Variants in L3MBTL4 observed in about 807,000 individuals in gnomAD.
L3MBTL4 encodes lethal(3)malignant brain tumor-like protein 4.
In L3MBTL4, 70 loss-of-function variants were observed where a neutral mutation model predicts 84.5. That is an observed-to-expected ratio of 0.83 (90% CI 0.68 to 1.01). The LOEUF (loss-of-function observed/expected upper bound fraction) is 1.01. L3MBTL4 is among the 50% of genes least tolerant of loss of function. The pLI, the probability that L3MBTL4 is intolerant of heterozygous loss-of-function variation, is 0.00. For missense variants in L3MBTL4, 715 were observed against 754.8 expected, an observed-to-expected ratio of 0.95 and a Z score of 0.62; for synonymous variants, 274 against 259.8, an observed-to-expected ratio of 1.05 and a Z score of -0.52.
At chr18:6,354,735 A>G (rs1261796498) in intron 1 of L3MBTL4, among the ~76,000 whole-genome samples, 1 of 149,008 alleles carries the variant, frequency 6.7e-6, no homozygotes, top group Non-Finnish European at 1.5e-5. Flanking sequence ...ATGAGATATC[A>G]TCTCATCTAA....
At chr18:6,400,614 A>G (rs341235) in intron 1 of L3MBTL4, among the ~76,000 whole-genome samples, 36,953 of 151,940 alleles carry the variant, frequency 0.24, 4,563 homozygotes, top group Non-Finnish European at 0.26. Context: ...ATTTCAACAT[A>G]TTTCCCAGGC....
At chr18:5,983,533 A>C (rs926407593) in intron 16 of L3MBTL4, among the ~76,000 whole-genome samples, 1 of 152,150 alleles carries the variant, frequency 6.6e-6, no homozygotes, top group African/African-American at 2.4e-5. Context: ...GGAATAGAAC[A>C]ACTTTCCTGA....
chr18:6,161,837 G>A (rs1466438866), intron 13 of L3MBTL4, among the ~76,000 whole-genome samples: 1 of 151,978 alleles, frequency 6.6e-6, no homozygotes, highest in Non-Finnish European at 1.5e-5. Flanking sequence ...GGGCAGCTGT[G>A]TGATTTTATT....
chr18:6,029,842 A>T, intron 16 of L3MBTL4: 1 of 985,398 alleles, frequency 1.0e-6, no homozygotes, highest in African/African-American at 1.7e-5. Context: ...AAATGCCGAA[A>T]AGGATTAGAA....
At chr18:6,105,624 C>T (rs1474942162) in intron 14 of L3MBTL4, among the ~76,000 whole-genome samples, 1 of 151,608 alleles carries the variant, frequency 6.6e-6, no homozygotes, top group African/African-American at 2.4e-5. Flanking sequence ...CATGATGAAA[C>T]CCCGTCTCTA....
chr18:6,220,070 G>A (rs1481552425), intron 10 of L3MBTL4, among the ~76,000 whole-genome samples: 1 of 152,120 alleles, frequency 6.6e-6, no homozygotes, highest in African/African-American at 2.4e-5. Context: ...AAAATAAAAA[G>A]AAGAAACTGA....
intron 16 of L3MBTL4, among the ~76,000 whole-genome samples, chr18:6,035,263 A>G (rs1157082317): frequency 1.3e-5 from 2 of 152,086 alleles, no homozygotes; most frequent in South Asian, 2.1e-4. Flanking sequence ...GTTTTCTTCT[A>G]GGGTTTTTAT....
At chr18:6,359,580 A>G (rs2053592359) in intron 1 of L3MBTL4, among the ~76,000 whole-genome samples, 1 of 151,898 alleles carries the variant, frequency 6.6e-6, no homozygotes, top group South Asian at 2.1e-4. Context: ...TGAAACTATG[A>G]CATATCTAAA....
intron 1 of L3MBTL4, among the ~76,000 whole-genome samples, chr18:6,344,203 TAAG>T (rs1322829140): frequency 6.6e-6 from 1 of 151,830 alleles, no homozygotes; most frequent in Non-Finnish European, 1.5e-5. Context: ...ATAAATGAAA[TAAG>T]AGACATTACA....
chr18:6,042,256 C>A (rs2056435323), intron 16 of L3MBTL4, among the ~76,000 whole-genome samples: 1 of 152,120 alleles, frequency 6.6e-6, no homozygotes, highest in Admixed American at 6.5e-5. Flanking sequence ...ACCTCAATGA[C>A]CCTTCTGTCT....
intron 1 of L3MBTL4, among the ~76,000 whole-genome samples, chr18:6,380,030 C>T (rs1452293331): frequency 6.6e-6 from 1 of 152,110 alleles, no homozygotes; most frequent in Non-Finnish European, 1.5e-5. Flanking sequence ...TCGACTTCTT[C>T]CTGGTTTAGT....
chr18:5,985,146 G>A, intron 16 of L3MBTL4, among the ~76,000 whole-genome samples: 1 of 152,106 alleles, frequency 6.6e-6, no homozygotes, highest in East Asian at 1.9e-4. Context: ...GAGAGTGCTA[G>A]CAAACTAGTG....
chr18:6,353,196 A>ATCAACAGTGCGT (rs2053279225), intron 1 of L3MBTL4, among the ~76,000 whole-genome samples: 1 of 152,066 alleles, frequency 6.6e-6, no homozygotes, highest in Admixed American at 6.6e-5. Context: ...CACTCACAGT[A>ATCAACAGTGCGT]TGATACAAAT....
intron 1 of L3MBTL4, among the ~76,000 whole-genome samples, chr18:6,412,393 C>T (rs1372608828): frequency 6.6e-6 from 1 of 152,168 alleles, no homozygotes; most frequent in African/African-American, 2.4e-5. Flanking sequence ...GAACACTTAT[C>T]TAATGGCGAT....
chr18:6,343,089 T>C (rs1024544894), intron 1 of L3MBTL4, among the ~76,000 whole-genome samples: 3 of 151,992 alleles, frequency 2.0e-5, no homozygotes, highest in East Asian at 3.9e-4. Flanking sequence ...ATAAAGCAAA[T>C]ATTAACAGAA....
At chr18:6,394,201 C>T (rs1281048939) in intron 1 of L3MBTL4, among the ~76,000 whole-genome samples, 1 of 152,178 alleles carries the variant, frequency 6.6e-6, no homozygotes, top group Non-Finnish European at 1.5e-5. Flanking sequence ...AGTGTGGTGG[C>T]TCACGGCTGT....
chr18:6,239,094 C>A (rs1307649329), intron 9 of L3MBTL4, among the ~76,000 whole-genome samples: 1 of 152,064 alleles, frequency 6.6e-6, no homozygotes, highest in Non-Finnish European at 1.5e-5. Context: ...GTAATCCCAG[C>A]ACTTTGGGAG....
At chr18:6,018,160 T>C (rs1433375893) in intron 16 of L3MBTL4, among the ~76,000 whole-genome samples, 1 of 152,114 alleles carries the variant, frequency 6.6e-6, no homozygotes, top group African/African-American at 2.4e-5. Flanking sequence ...AAGATGGAGA[T>C]GTGCAAGTGA....
intron 10 of L3MBTL4, among the ~76,000 whole-genome samples, chr18:6,223,191 G>A (rs1599219560): frequency 6.6e-6 from 1 of 151,984 alleles, no homozygotes; most frequent in East Asian, 1.9e-4. Context: ...AATTATTATA[G>A]CTTTATTCCC....
Sources: gnomAD v4.1 joint callset for allele counts (sites outside exome capture counted in the v4.1 genomes callset) on GRCh38, gnomAD v4.1.1 for gene constraint, MANE v1.5 for transcripts, NCBI Gene and HGNC (gene_info 2026-07-23, HGNC 2026-07-21) for gene names.